Variants in TXNDC16 observed in about 807,000 individuals in gnomAD.
The protein encoded by TXNDC16 is thioredoxin domain-containing protein 16.
In TXNDC16, 74 loss-of-function variants were observed where a neutral mutation model predicts 85.6. The observed-to-expected ratio is 0.86, with a 90% CI of 0.72 to 1.05. The LOEUF is 1.05. Among genes scored for constraint, TXNDC16 ranks in the 50% least tolerant of loss-of-function variants. The pLI is 0.00. For missense variants in TXNDC16, 959 were observed against 947.0 expected (o/e 1.01, Z -0.17); for synonymous variants, 335 against 326.5 (o/e 1.03, Z -0.28).
chr14:52,514,580 A>G (rs930449342), intron 8 of TXNDC16, among the ~76,000 whole-genome samples: 2 of 152,130 alleles, frequency 1.3e-5, no homozygotes, highest in South Asian at 4.1e-4. Context: ...TTTACCCCCT[A>G]TCTGATCACC....
In TXNDC16 at chr14:52,490,894, C is replaced by T; in HGVS notation, c.868G>A (p.Ala290Thr). The T allele has an allele frequency of 3.7e-6, 6 of 1,613,124 alleles. No individual in the cohort carries two copies. Among genetic ancestry groups the T allele is most frequent in the Non-Finnish European group, 5.1e-6 (6 of 1,179,786 alleles). The change falls in exon 10 of 21, where the codon GCA becomes ACA. Residue 290 changes from alanine to threonine, a missense_variant. By Grantham distance (58) the Ala-to-Thr change is moderately conservative. Transcript: ENST00000281741. ...AGAAGACGCCAAGCAACCCATTCTG[C>T]AGTTCTTCTATCAGCTTCATAAGTA... ...QATYEADRRT[A>T]EWVAWRLLGK... is the part of the protein sequence containing the mutation.
intron 18 of TXNDC16, among the ~76,000 whole-genome samples, chr14:52,454,233 C>T (rs932023914): frequency 6.6e-6 from 1 of 151,902 alleles, no homozygotes; most frequent in Non-Finnish European, 1.5e-5. Context: ...CGAGACCAGC[C>T]TGGGCAACAT....
chr14:52,469,520 G>A (rs1337198510), intron 16 of TXNDC16, among the ~76,000 whole-genome samples: 2 of 151,730 alleles, frequency 1.3e-5, no homozygotes, highest in African/African-American at 4.8e-5. Flanking sequence ...CAAGGCAGGC[G>A]GATCATGAGG....
At chr14:52,475,024 C>T (rs946628394) in intron 14 of TXNDC16, among the ~76,000 whole-genome samples, 2 of 152,128 alleles carry the variant, frequency 1.3e-5, no homozygotes, top group Admixed American at 6.5e-5. Flanking sequence ...AGATCGTCCA[C>T]CCCTGAACAC....
chr14:52,466,303 G>T (rs1382309801), intron 16 of TXNDC16, among the ~76,000 whole-genome samples: 1 of 139,162 alleles, frequency 7.2e-6, no homozygotes, highest in Non-Finnish European at 1.5e-5. Context: ...TGAGGCAGGA[G>T]AAATGCCTGA....
chr14:52,488,544 G>A, intron 11 of TXNDC16, 58 bp from the exon 12 acceptor site: 7 of 1,425,230 alleles, frequency 4.9e-6, no homozygotes, highest in Non-Finnish European at 6.6e-6. Flanking sequence ...ACATAAAAAT[G>A]TTTTACTTGG....
At chr14:52,446,035 C>T (rs577605365) in intron 18 of TXNDC16, among the ~76,000 whole-genome samples, 11 of 152,140 alleles carry the variant, frequency 7.2e-5, no homozygotes, top group Non-Finnish European at 1.3e-4. Context: ...CAGTCATCCC[C>T]TCTTCCCCTG....
intron 4 of TXNDC16, among the ~76,000 whole-genome samples, chr14:52,541,593 C>T (rs2037832472): frequency 6.6e-6 from 1 of 152,148 alleles, no homozygotes; most frequent in African/African-American, 2.4e-5. Flanking sequence ...ATGCTGTCTG[C>T]TCTGGGAACT....
At chr14:52,440,914 T>C (rs1357214964) in intron 18 of TXNDC16, among the ~76,000 whole-genome samples, 190 bp from the exon 19 acceptor site, 1 of 152,170 alleles carries the variant, frequency 6.6e-6, no homozygotes, top group Non-Finnish European at 1.5e-5. Flanking sequence ...CCACCTCATC[T>C]GAATGAGTTA....
chr14:52,500,250 C>A (rs567283561), intron 9 of TXNDC16, among the ~76,000 whole-genome samples: 1 of 152,166 alleles, frequency 6.6e-6, no homozygotes, highest in Non-Finnish European at 1.5e-5. Context: ...GCGGTATATA[C>A]GTCCAACGGA....
chr14:52,483,753 TCATC>T (rs571179441), intron 12 of TXNDC16, among the ~76,000 whole-genome samples: 2 of 152,172 alleles, frequency 1.3e-5, no homozygotes, highest in Non-Finnish European at 2.9e-5. Flanking sequence ...ACTGATAGAT[TCATC>T]CATCCATCCA....
chr14:52,516,714 T>C (rs562799905), intron 7 of TXNDC16, among the ~76,000 whole-genome samples: 2 of 152,212 alleles, frequency 1.3e-5, no homozygotes, highest in East Asian at 3.9e-4. Flanking sequence ...CTCCTCACTG[T>C]CATTTCCAGA....
chr14:52,478,695 C>T (rs1388068699), intron 14 of TXNDC16, among the ~76,000 whole-genome samples: 1 of 151,924 alleles, frequency 6.6e-6, no homozygotes, highest in Non-Finnish European at 1.5e-5. Context: ...AAAAAAAAGT[C>T]CAGGACCAGA....
chr14:52,487,558 A>T (rs2036299429), intron 12 of TXNDC16, among the ~76,000 whole-genome samples: 1 of 152,224 alleles, frequency 6.6e-6, no homozygotes, highest in African/African-American at 2.4e-5. Flanking sequence ...GTTATGAAAG[A>T]TGTATCAGAA....
At chr14:52,476,285 C>G (rs72684235) in intron 14 of TXNDC16, among the ~76,000 whole-genome samples, 112 of 151,968 alleles carry the variant, frequency 7.4e-4, no homozygotes, top group African/African-American at 2.6e-3. Context: ...AACTCACCCC[C>G]GCAAAAAAAT....
chr14:52,547,024 G>A (rs2140234740), intron 1 of TXNDC16, among the ~76,000 whole-genome samples: 1 of 152,308 alleles, frequency 6.6e-6, no homozygotes, highest in African/African-American at 2.4e-5. Context: ...AAAAGAAGAG[G>A]CTGGAAGATA....
At chr14:52,507,625 A>C (rs2036843776) in intron 9 of TXNDC16, among the ~76,000 whole-genome samples, 1 of 152,220 alleles carries the variant, frequency 6.6e-6, no homozygotes, top group Non-Finnish European at 1.5e-5. Flanking sequence ...AAGTGAAAAG[A>C]ACAAAGCTGG....
chr14:52,486,233 C>CAACCTAT (rs2036266552), intron 12 of TXNDC16, among the ~76,000 whole-genome samples: 1 of 150,738 alleles, frequency 6.6e-6, no homozygotes, highest in South Asian at 2.1e-4. Context: ...GCTCTACCTT[C>CAACCTAT]AACCTATTCA....
chr14:52,494,883 G>C (rs1223914019), intron 9 of TXNDC16, among the ~76,000 whole-genome samples: 1 of 152,170 alleles, frequency 6.6e-6, no homozygotes, highest in Non-Finnish European at 1.5e-5. Context: ...CAAAATAATA[G>C]AAAAAGAACC....
Sources: gnomAD v4.1 joint callset for allele counts (sites outside exome capture counted in the v4.1 genomes callset) on GRCh38, gnomAD v4.1.1 for gene constraint, MANE v1.5 for transcripts, NCBI Gene and HGNC (gene_info 2026-07-23, HGNC 2026-07-21) for gene names.